KANSL1L: variants seen among roughly 807,000 people sequenced by gnomAD.
KANSL1L encodes the protein KAT8 regulatory NSL complex subunit 1 like, also known as KAT8 regulatory NSL complex subunit 1-like protein.
In KANSL1L, 25 loss-of-function variants were observed where a neutral mutation model predicts 108.6. The observed-to-expected ratio is 0.23, with a 90% confidence interval of 0.17 to 0.32. The LOEUF is 0.32. Ranked by LOEUF, KANSL1L falls within the 10% of genes least tolerant of loss-of-function variation. The pLI is 1.00. For synonymous variants in KANSL1L, 405 were observed against 395.1 expected (o/e 1.03, Z -0.30); for missense variants, 1,137 against 1,125.7 (o/e 1.01, Z -0.14).
rs1416815901 is a variant in KANSL1L at position 210,022,188 on chromosome 2, A to T, written c.*761T>A. ...TTGCTTGCTTTATTTTGTTAGGAGT[A>T]AACAGAAAGTAGCCTGTGTTTAGTC... On this transcript the variant is annotated 3_prime_UTR_variant, in exon 15 of 15. Transcript: ENST00000281772. 2 of 152,068 alleles carry T rather than the reference A, an allele frequency of 1.3e-5. No homozygotes were observed. The highest frequency in any genetic ancestry group is 4.1e-4 in the South Asian group (2 of 4,822). The allele number at this position is 152,068 out of a possible 1,614,324, so 9.4% of individuals were successfully genotyped here. A position where few individuals can be genotyped will look rare whatever the true frequency, so the allele number is the denominator to read the frequency against.
intron 5 of KANSL1L, among the ~76,000 whole-genome samples, chr2:210,090,865 T>A (rs1333975627): frequency 1.3e-5 from 2 of 152,210 alleles, no homozygotes; most frequent in Non-Finnish European, 2.9e-5. Context: ...TTTACCTATA[T>A]CTATAAACAT....
At chr2:210,068,196 A>T (rs969246956) in intron 6 of KANSL1L, among the ~76,000 whole-genome samples, 3 of 152,212 alleles carry the variant, frequency 2.0e-5, no homozygotes, top group East Asian at 3.8e-4. Context: ...TATTTAAAAA[A>T]TTTATTGTGG....
intron 5 of KANSL1L, among the ~76,000 whole-genome samples, chr2:210,079,650 A>ATATATATATATGTGTG (rs2094571187): frequency 2.6e-4 from 5 of 19,542 alleles, no homozygotes; most frequent in Non-Finnish European, 4.6e-4. Flanking sequence ...ATATATATAT[A>ATATATATATATGTGTG]TATATATATA....
At chr2:210,149,173 A>G (rs2095285263) in intron 2 of KANSL1L, among the ~76,000 whole-genome samples, 1 of 152,114 alleles carries the variant, frequency 6.6e-6, no homozygotes, top group Non-Finnish European at 1.5e-5. Context: ...AAAACCATAT[A>G]TAGAAGAGAG....
intron 2 of KANSL1L, chr2:210,153,235 T>C (rs947208244): frequency 1.3e-5 from 4 of 309,546 alleles, no homozygotes; most frequent in African/African-American, 8.9e-5. Context: ...ACACCTGTAA[T>C]CCCAGCTACT....
chr2:210,068,947 A>G (rs2094487029), intron 6 of KANSL1L, among the ~76,000 whole-genome samples: 1 of 152,176 alleles, frequency 6.6e-6, no homozygotes, highest in South Asian at 2.1e-4. Context: ...GGTAATCCCC[A>G]GAGCAAGCTA....
chr2:210,070,479 C>T (rs2094499853), intron 6 of KANSL1L, among the ~76,000 whole-genome samples: 1 of 151,950 alleles, frequency 6.6e-6, no homozygotes, highest in African/African-American at 2.4e-5. Context: ...ATCCGCCCGC[C>T]TCGGCCTCCC....
intron 8 of KANSL1L, among the ~76,000 whole-genome samples, chr2:210,035,570 C>G (rs1357069209): frequency 1.3e-5 from 2 of 152,208 alleles, no homozygotes; most frequent in East Asian, 1.9e-4. Context: ...CGTCTGCCTC[C>G]TGGGTTCAAG....
At chr2:210,137,288 A>G (rs980697411) in intron 2 of KANSL1L, among the ~76,000 whole-genome samples, 3 of 152,222 alleles carry the variant, frequency 2.0e-5, no homozygotes, top group Non-Finnish European at 4.4e-5. Flanking sequence ...GGATATTTCT[A>G]TAGGACTTTT....
chr2:210,047,612 T>C (rs2094239306), intron 6 of KANSL1L, among the ~76,000 whole-genome samples: 1 of 152,238 alleles, frequency 6.6e-6, no homozygotes, highest in Non-Finnish European at 1.5e-5. Context: ...CTAAATAAAA[T>C]GCATTTAAAG....
chr2:210,037,183 T>G (rs1189901416), intron 8 of KANSL1L, among the ~76,000 whole-genome samples: 1 of 152,226 alleles, frequency 6.6e-6, no homozygotes, highest in Non-Finnish European at 1.5e-5. Context: ...TTCATATGTA[T>G]TTCAAGTATG....
intron 1 of KANSL1L, among the ~76,000 whole-genome samples, chr2:210,155,040 T>C (rs566813046): frequency 1.3e-5 from 2 of 152,280 alleles, no homozygotes; most frequent in African/African-American, 4.8e-5. Flanking sequence ...TTATCTAAAC[T>C]TCTATTCCTG....
At chr2:210,023,759 T>G (rs376998031) in intron 14 of KANSL1L, among the ~76,000 whole-genome samples, 7 of 152,218 alleles carry the variant, frequency 4.6e-5, no homozygotes, top group African/African-American at 1.7e-4. Context: ...GCAGGTGCTA[T>G]TCTTCATTAA....
intron 5 of KANSL1L, 90 bp downstream of exon 5, chr2:210,097,996 C>A: frequency 3.6e-6 from 4 of 1,109,412 alleles, no homozygotes; most frequent in South Asian, 1.7e-5. Context: ...AAAAAAGTAG[C>A]TATAATACTT....
chr2:210,070,374 C>T (rs1021754118), intron 6 of KANSL1L, among the ~76,000 whole-genome samples: 1 of 151,300 alleles, frequency 6.6e-6, no homozygotes, highest in Non-Finnish European at 1.5e-5. Flanking sequence ...GGACTACAGG[C>T]GCCCGCCACA....
intron 11 of KANSL1L, 64 bp from the exon 12 acceptor site, chr2:210,027,414 C>G: frequency 9.6e-7 from 1 of 1,044,954 alleles, no homozygotes; most frequent in Non-Finnish European, 1.5e-6. Flanking sequence ...ATTTTATACT[C>G]AGCACAGCTA....
At chr2:210,113,115 G>A (rs1354013646) in intron 3 of KANSL1L, among the ~76,000 whole-genome samples, 1 of 152,086 alleles carries the variant, frequency 6.6e-6, no homozygotes, top group Non-Finnish European at 1.5e-5. Context: ...CAGACAAAGA[G>A]GCAACCATTG....
intron 4 of KANSL1L, among the ~76,000 whole-genome samples, chr2:210,099,757 AG>A (rs2094775042): frequency 2.0e-5 from 3 of 152,294 alleles, no homozygotes; most frequent in Admixed American, 2.0e-4. Flanking sequence ...TGGGCCAGGA[AG>A]GGGGAAATTA....
intron 11 of KANSL1L, among the ~76,000 whole-genome samples, chr2:210,028,219 C>A (rs1415642210): frequency 1.3e-5 from 2 of 152,082 alleles, no homozygotes; most frequent in Non-Finnish European, 2.9e-5. Flanking sequence ...TTGTTTTTAG[C>A]CTTCCATTAT....
Sources: allele counts gnomAD v4.1 joint callset (sites outside exome capture counted in the v4.1 genomes callset), GRCh38; gene constraint gnomAD v4.1.1; transcripts MANE v1.5; gene names NCBI Gene and HGNC (gene_info 2026-07-23, HGNC 2026-07-21).